The following LRRC28 variants were observed in gnomAD, a reference collection of about 807,000 sequenced individuals.
LRRC28 encodes leucine rich repeat containing 28.
In LRRC28, 39 loss-of-function variants were observed where a neutral mutation model predicts 45.7. The ratio of observed to expected loss-of-function variants is 0.85; its 90% CI spans 0.66 to 1.12. The LOEUF (loss-of-function observed/expected upper bound fraction) is 1.12, where lower values mean the gene tolerates loss of function less well. LRRC28 is among the 50% of genes most tolerant of loss of function. The pLI, the probability that LRRC28 is intolerant of heterozygous loss-of-function variation, is 0.00. For synonymous variants in LRRC28, 206 were observed against 178.8 expected (o/e 1.15, Z -1.22); for missense variants, 435 against 438.5 (o/e 0.99, Z 0.07).
At chr15:99,275,934 C>A (rs112456364) in intron 2 of LRRC28, among the ~76,000 whole-genome samples, 1 of 152,134 alleles carries the variant, frequency 6.6e-6, no homozygotes, top group Non-Finnish European at 1.5e-5. Context: ...GGCAAGCAAG[C>A]GAAGCTTCAT....
chr15:99,319,175 A>G (rs915491227), intron 5 of LRRC28, among the ~76,000 whole-genome samples: 2 of 152,176 alleles, frequency 1.3e-5, no homozygotes, highest in African/African-American at 4.8e-5. Context: ...TGATTATAAT[A>G]GTTTTATACC....
chr15:99,287,033 A>C, intron 3 of LRRC28: 1 of 400,136 alleles, frequency 2.5e-6, no homozygotes, highest in East Asian at 4.3e-5. Context: ...TAACAACTAA[A>C]TCAGTAAATA....
At position 99,388,670 on chromosome 15, in the gene LRRC28, C is replaced by A. The variant is rs1207157560; in HGVS notation, c.*2568C>A. Reference sequence around the variant, plus strand: ...TATTTGAATTGTGTCCAAAGCTTTGCAGAAAAGCAAATCTGAAGTTATTAT... The same window carrying A: ...TATTTGAATTGTGTCCAAAGCTTTGAAGAAAAGCAAATCTGAAGTTATTAT... On this transcript the variant is annotated 3_prime_UTR_variant, in exon 10 of 10. Transcript: ENST00000301981. 6.6e-6 allele frequency: 1 copy of A among 152,204 alleles called. No individual in the cohort carries two copies. The highest frequency in any genetic ancestry group is 1.5e-5 in the Non-Finnish European group (1 of 68,040). The allele number at this position is 152,204 out of a possible 1,614,324, so 9.4% of individuals were successfully genotyped here.
At chr15:99,377,464 T>A (rs1957675470) in intron 9 of LRRC28, among the ~76,000 whole-genome samples, 1 of 152,226 alleles carries the variant, frequency 6.6e-6, no homozygotes, top group African/African-American at 2.4e-5. Flanking sequence ...ATGAGTAGAT[T>A]GCAAAAATTT....
intron 5 of LRRC28, among the ~76,000 whole-genome samples, chr15:99,292,864 T>A (rs1279498286): frequency 6.6e-6 from 1 of 152,262 alleles, no homozygotes; most frequent in Non-Finnish European, 1.5e-5. Flanking sequence ...TTGATTTACA[T>A]TTCCCTATGT....
At chr15:99,304,173 A>G (rs1955092362) in intron 5 of LRRC28, among the ~76,000 whole-genome samples, 3 of 152,218 alleles carry the variant, frequency 2.0e-5, no homozygotes, top group Admixed American at 6.5e-5. Context: ...TTTATGCTGC[A>G]GTGGCAGAGT....
chr15:99,298,217 GCAGTACTTCTTATAGAA>G (rs2082314976), intron 5 of LRRC28, among the ~76,000 whole-genome samples: 1 of 152,150 alleles, frequency 6.6e-6, no homozygotes, highest in South Asian at 2.1e-4. Flanking sequence ...CACTTCACAT[GCAGTACTTCTTATAGAA>G]TTAATTTATG....
At chr15:99,253,056 CG>C (rs1475454467) in intron 1 of LRRC28, among the ~76,000 whole-genome samples, 1 of 150,714 alleles carries the variant, frequency 6.6e-6, no homozygotes, top group Non-Finnish European at 1.5e-5. Flanking sequence ...AGGAGTCCTA[CG>C]AAGAAAAAAC....
intron 2 of LRRC28, among the ~76,000 whole-genome samples, chr15:99,268,881 G>C (rs111726781): frequency 2.6e-5 from 4 of 152,142 alleles, no homozygotes; most frequent in African/African-American, 9.7e-5. Context: ...GAAGACACTT[G>C]ATGCTTGTAA....
At chr15:99,337,240 G>C (rs1956355629) in intron 6 of LRRC28, among the ~76,000 whole-genome samples, 1 of 152,218 alleles carries the variant, frequency 6.6e-6, no homozygotes, top group African/African-American at 2.4e-5. Flanking sequence ...GTGTTGTTGG[G>C]AGAATAGAGG....
chr15:99,279,816 T>A (rs2081731214), intron 3 of LRRC28, among the ~76,000 whole-genome samples: 1 of 152,202 alleles, frequency 6.6e-6, no homozygotes, highest in African/African-American at 2.4e-5. Context: ...TTCTCATTGT[T>A]TTTATGGAAG....
chr15:99,385,906 A>G (rs552636301), intron 9 of LRRC28, 124 bp from the exon 10 acceptor site: 17 of 795,328 alleles, frequency 2.1e-5, no homozygotes, highest in East Asian at 1.5e-4. Flanking sequence ...TTAAATTTCT[A>G]TTATGCAGTT....
intron 8 of LRRC28, among the ~76,000 whole-genome samples, chr15:99,362,532 A>C (rs751298354): frequency 1.3e-5 from 2 of 152,208 alleles, no homozygotes; most frequent in African/African-American, 2.4e-5. Flanking sequence ...TGTTTTGTGT[A>C]GCTCAGACTA....
intron 2 of LRRC28, among the ~76,000 whole-genome samples, chr15:99,263,630 C>G (rs1597165512): frequency 1.3e-5 from 2 of 152,204 alleles, no homozygotes; most frequent in East Asian, 1.9e-4. Context: ...GCGTTCTGTA[C>G]CTTCACTGCC....
chr15:99,347,523 T>G (rs1597395866), intron 6 of LRRC28, among the ~76,000 whole-genome samples: 1 of 152,218 alleles, frequency 6.6e-6, no homozygotes, highest in Non-Finnish European at 1.5e-5. Flanking sequence ...TGTATATAAG[T>G]GAGACTGTGC....
Position 99,277,328 on chromosome 15 carries a change from T to A in LRRC28, c.209+712T>A, listed in dbSNP as rs937233064. 2.0e-5 allele frequency among the ~76,000 whole-genome samples: 3 copies of A among 152,214 alleles called. No homozygotes were observed. In the East Asian group the frequency reaches 5.8e-4, roughly 29 times the overall value. ...TCCCATCCTTTCATTTTGAAAAAAA[T>A]TTCAAACTAATAAGAAAGTTGAAAA... On this transcript the variant is annotated intron_variant, in intron 3 of 9. Transcript: ENST00000301981.
At chr15:99,354,156 G>C (rs534068904) in intron 7 of LRRC28, among the ~76,000 whole-genome samples, 1 of 152,114 alleles carries the variant, frequency 6.6e-6, no homozygotes. Flanking sequence ...GGCATTTTTA[G>C]CCTGTTGGTT....
At chr15:99,343,041 T>G (rs1956567968) in intron 6 of LRRC28, among the ~76,000 whole-genome samples, 1 of 152,242 alleles carries the variant, frequency 6.6e-6, no homozygotes, top group African/African-American at 2.4e-5. Context: ...TGGAATACAC[T>G]GTAAATTATT....
chr15:99,372,980 AACTC>A (rs1185853331), intron 9 of LRRC28, among the ~76,000 whole-genome samples: 4 of 151,924 alleles, frequency 2.6e-5, no homozygotes, highest in Admixed American at 6.6e-5. Flanking sequence ...ATCTCATGAG[AACTC>A]ACTCACTATC....
Sources: gnomAD v4.1 joint callset for allele counts (sites outside exome capture counted in the v4.1 genomes callset) on GRCh38, gnomAD v4.1.1 for gene constraint, MANE v1.5 for transcripts, NCBI Gene and HGNC (gene_info 2026-07-23, HGNC 2026-07-21) for gene names.